PLCB1: variants seen among roughly 807,000 people sequenced by gnomAD.
PLCB1 encodes 1-phosphatidylinositol 4,5-bisphosphate phosphodiesterase beta-1.
Under a neutral mutation model 161.8 loss-of-function variants are expected in PLCB1, and 46 were observed. The ratio of observed to expected loss-of-function variants is 0.28; its 90% CI spans 0.22 to 0.36. PLCB1 has a LOEUF of 0.36. Among genes scored for constraint, PLCB1 ranks in the 10% least tolerant of loss-of-function variants. The probability of loss-of-function intolerance (pLI) is 1.00; values close to 1 mark genes in which losing one functional copy is unlikely to be tolerated. For synonymous variants in PLCB1, 517 were observed against 503.7 expected, an observed-to-expected ratio of 1.03 and a Z score of -0.35; for missense variants, 1,016 against 1,472.5, an observed-to-expected ratio of 0.69 and a Z score of 5.07.
At position 8,881,755 on chromosome 20, in the gene PLCB1, T is replaced by C; in HGVS notation, c.3557T>C (p.Leu1186Pro). 2.5e-6 allele frequency: 4 copies of C among 1,614,074 alleles called. No homozygotes were observed. The highest frequency in any genetic ancestry group is 3.4e-6 in the Non-Finnish European group (4 of 1,179,956). The change falls in exon 32 of 32, where the codon CTG (leucine) becomes CCG (proline). Residue 1186 changes from leucine to proline, a missense_variant. By Grantham distance (98) the Leu-to-Pro change is moderately conservative (BLOSUM62 -3). Transcript: ENST00000338037. ...DSNHGSAPLS[L>P]SSDPGKVNHK... ...AATCACGGTTCTGCCCCTCTCTCCCTGTCCTCAGACCCTGGAAAAGTGAAC... is the reference window on the plus strand; with the variant it reads ...AATCACGGTTCTGCCCCTCTCTCCCCGTCCTCAGACCCTGGAAAAGTGAAC...
At chr20:8,596,168 T>C (rs1400761599) in intron 3 of PLCB1, among the ~76,000 whole-genome samples, 1 of 150,748 alleles carries the variant, frequency 6.6e-6, no homozygotes, top group African/African-American at 2.4e-5. Flanking sequence ...GGACATGAAG[T>C]CCTTGCCCAT....
chr20:8,793,173 A>G (rs2146226631), intron 31 of PLCB1, among the ~76,000 whole-genome samples: 1 of 152,274 alleles, frequency 6.6e-6, no homozygotes, highest in East Asian at 1.9e-4. Flanking sequence ...CCACGGAGTC[A>G]GTTCCATTCA....
intron 3 of PLCB1, among the ~76,000 whole-genome samples, chr20:8,559,352 G>C (rs73897108): frequency 2.0e-5 from 3 of 151,724 alleles, no homozygotes; most frequent in Non-Finnish European, 2.9e-5. Flanking sequence ...GAAATGAAAA[G>C]TATACTTCAA....
At chr20:8,624,385 C>T (rs547003734) in intron 3 of PLCB1, among the ~76,000 whole-genome samples, 24 of 152,032 alleles carry the variant, frequency 1.6e-4, no homozygotes, top group Non-Finnish European at 3.1e-4. Flanking sequence ...ATCTTCTGCA[C>T]GAAAAATGTT....
chr20:8,763,495 C>T (rs954627270), intron 25 of PLCB1, among the ~76,000 whole-genome samples: 1 of 152,204 alleles, frequency 6.6e-6, no homozygotes, highest in Non-Finnish European at 1.5e-5. Flanking sequence ...AAGCAATTCT[C>T]CTGCCTCAGC....
intron 2 of PLCB1, among the ~76,000 whole-genome samples, chr20:8,239,622 T>A (rs1322823242): frequency 6.6e-6 from 1 of 151,710 alleles, no homozygotes; most frequent in African/African-American, 2.4e-5. Context: ...AGTCAGTTCA[T>A]GTAGCTGTGA....
chr20:8,201,452 TC>T (rs1173056291), intron 2 of PLCB1, among the ~76,000 whole-genome samples: 3 of 152,090 alleles, frequency 2.0e-5, no homozygotes, highest in Non-Finnish European at 4.4e-5. Context: ...AGCAAAAACT[TC>T]AAATGGATTC....
intron 4 of PLCB1, among the ~76,000 whole-genome samples, chr20:8,632,014 G>C (rs1600209660): frequency 8.0e-6 from 1 of 124,958 alleles, no homozygotes; most frequent in African/African-American, 2.9e-5. Context: ...TCCTGGAGGA[G>C]ACAAATATGG....
rs552044861 is a variant in PLCB1 at position 8,376,657 on chromosome 20, A to G, written c.246+5207A>G. Among the ~76,000 whole-genome samples the G allele has an allele frequency of 2.6e-4, 39 of 152,306 alleles. No individual in the cohort carries two copies. The East Asian group carries it at 3.5e-3, about 14-fold the overall frequency. On this transcript the variant is annotated intron_variant, in intron 3 of 31. Transcript: ENST00000338037. ...AAAAGAAAAGAAATCAGCCGGGCGC[A>G]GTGGCTCACGCCTGTAATCCCAGCA...
At chr20:8,564,373 A>G (rs997434682) in intron 3 of PLCB1, among the ~76,000 whole-genome samples, 37 of 152,216 alleles carry the variant, frequency 2.4e-4, no homozygotes, top group Non-Finnish European at 1.9e-4. Flanking sequence ...CTCTAAAACC[A>G]TAAAAACCCT....
At chr20:8,662,382 ATATATAATTATTTAT>A in intron 9 of PLCB1, among the ~76,000 whole-genome samples, 1 of 129,740 alleles carries the variant, frequency 7.7e-6, no homozygotes, top group South Asian at 2.3e-4. Context: ...ATTATGTATA[ATATATAATTATTTAT>A]TATATAATTA....
intron 1 of PLCB1, among the ~76,000 whole-genome samples, chr20:8,133,179 G>T (rs903585250): frequency 6.6e-6 from 1 of 152,168 alleles, no homozygotes; most frequent in African/African-American, 2.4e-5. Flanking sequence ...TTTCAAGAAG[G>T]AAGGACCTGA....
At chr20:8,161,711 A>G (rs557864237) in intron 2 of PLCB1, among the ~76,000 whole-genome samples, 25 of 152,086 alleles carry the variant, frequency 1.6e-4, no homozygotes, top group African/African-American at 5.8e-4. Flanking sequence ...GCCTCAAAGG[A>G]CGCTGCTGCC....
At chr20:8,547,554 C>T (rs1985599354) in intron 3 of PLCB1, among the ~76,000 whole-genome samples, 1 of 135,848 alleles carries the variant, frequency 7.4e-6, no homozygotes, top group African/African-American at 2.5e-5. Context: ...CATATCTAAC[C>T]CGTTCTATGT....
chr20:8,147,872 GTTT>G (rs559136150), intron 1 of PLCB1, among the ~76,000 whole-genome samples: 1 of 130,470 alleles, frequency 7.7e-6, no homozygotes, highest in Non-Finnish European at 1.6e-5. Context: ...ATTTTGAAAA[GTTT>G]TTTTTTTTTT....
intron 3 of PLCB1, among the ~76,000 whole-genome samples, chr20:8,508,526 T>C (rs1983740583): frequency 6.6e-6 from 1 of 152,194 alleles, no homozygotes; most frequent in South Asian, 2.1e-4. Context: ...TCCTTGCTTA[T>C]TTCCAATCTA....
At chr20:8,855,358 A>T (rs74832594) in intron 31 of PLCB1, among the ~76,000 whole-genome samples, 2,114 of 152,278 alleles carry the variant, frequency 0.014, 47 homozygotes, top group African/African-American at 0.049. Flanking sequence ...TCTTTGGTCA[A>T]ATCCCCCTCT....
intron 2 of PLCB1, among the ~76,000 whole-genome samples, chr20:8,354,654 G>A (rs901239626): frequency 3.9e-5 from 6 of 152,154 alleles, no homozygotes; most frequent in Admixed American, 3.9e-4. Context: ...CCGAATACTG[G>A]CCCTCTGAGC....
At chr20:8,574,053 A>C (rs1430311225) in intron 3 of PLCB1, among the ~76,000 whole-genome samples, 2 of 152,216 alleles carry the variant, frequency 1.3e-5, no homozygotes, top group Non-Finnish European at 2.9e-5. Context: ...AGTTTCCAGC[A>C]ATTAGTTTAC....
Sources: gnomAD v4.1 joint callset for allele counts (sites outside exome capture counted in the v4.1 genomes callset) on GRCh38, gnomAD v4.1.1 for gene constraint, MANE v1.5 for transcripts, NCBI Gene and HGNC (gene_info 2026-07-23, HGNC 2026-07-21) for gene names.